GPM6A: variants seen among roughly 807,000 people sequenced by gnomAD.
GPM6A encodes the protein glycoprotein M6A.
GPM6A carries 7 observed loss-of-function variants against 32.1 expected under a neutral mutation model. The observed-to-expected ratio is 0.22, with a 90% CI of 0.12 to 0.41. The LOEUF (loss-of-function observed/expected upper bound fraction) is 0.41. Among genes scored for constraint, GPM6A ranks in the 10% least tolerant of loss-of-function variants. GPM6A has a pLI of 1.00. For synonymous variants in GPM6A, 130 were observed against 123.4 expected (o/e 1.05, Z -0.35); for missense variants, 235 against 347.2 (o/e 0.68, Z 2.57).
intron 1 of GPM6A, among the ~76,000 whole-genome samples, chr4:175,869,524 C>T (rs576507650): frequency 2.0e-5 from 3 of 151,486 alleles, no homozygotes; most frequent in Non-Finnish European, 4.4e-5. Context: ...TTTGGGAGGC[C>T]GAGGAGGGCA....
intron 1 of GPM6A, among the ~76,000 whole-genome samples, chr4:175,835,984 C>T (rs944214716): frequency 1.3e-5 from 2 of 151,992 alleles, no homozygotes; most frequent in Admixed American, 6.6e-5. Flanking sequence ...GTTCCACTGA[C>T]ATTCCATTGG....
intron 1 of GPM6A, among the ~76,000 whole-genome samples, chr4:175,826,168 C>G (rs1181703505): frequency 6.8e-6 from 1 of 147,416 alleles, no homozygotes; most frequent in African/African-American, 2.6e-5. Context: ...TCAAAACAAA[C>G]AAACAAACAA....
At chr4:175,840,886 T>C (rs191681961) in intron 1 of GPM6A, among the ~76,000 whole-genome samples, 3 of 152,066 alleles carry the variant, frequency 2.0e-5, no homozygotes, top group African/African-American at 7.2e-5. Flanking sequence ...TTGGCAAATA[T>C]AACATTAATT....
At chr4:175,952,011 C>T (rs906633063) in intron 1 of GPM6A, among the ~76,000 whole-genome samples, 9 of 152,242 alleles carry the variant, frequency 5.9e-5, no homozygotes, top group Admixed American at 3.9e-4. Context: ...CACCAGCCTC[C>T]ATAATCATGT....
chr4:175,996,259 G>A (rs1741304692), intron 1 of GPM6A, among the ~76,000 whole-genome samples: 1 of 152,230 alleles, frequency 6.6e-6, no homozygotes, highest in African/African-American at 2.4e-5. Context: ...AATAAAAGGA[G>A]ATTTACATGA....
At chr4:175,882,078 T>C (rs953281619) in intron 1 of GPM6A, among the ~76,000 whole-genome samples, 9 of 152,062 alleles carry the variant, frequency 5.9e-5, no homozygotes, top group Non-Finnish European at 1.0e-4. Flanking sequence ...TAATTATTTG[T>C]TATGCATTTG....
chr4:175,744,745 A>G (rs1215154722), intron 1 of GPM6A, among the ~76,000 whole-genome samples: 1 of 152,142 alleles, frequency 6.6e-6, no homozygotes, highest in Admixed American at 6.6e-5. Context: ...GAAACCTTCA[A>G]CGTTAGCTGT....
intron 1 of GPM6A, among the ~76,000 whole-genome samples, chr4:175,756,033 A>G (rs1295564644): frequency 6.6e-6 from 1 of 152,128 alleles, no homozygotes; most frequent in Non-Finnish European, 1.5e-5. Flanking sequence ...AGAGGAGGAG[A>G]GAAGATTTCA....
chr4:175,911,343 C>T (rs114344948), intron 1 of GPM6A, among the ~76,000 whole-genome samples: 2,148 of 152,232 alleles, frequency 0.014, 34 homozygotes, highest in African/African-American at 0.042. Flanking sequence ...AAATATAATA[C>T]GTTTCATGTC....
At chr4:175,831,715 CTTTTTT>C (rs780096379) in intron 1 of GPM6A, among the ~76,000 whole-genome samples, 9 of 69,938 alleles carry the variant, frequency 1.3e-4, no homozygotes, top group South Asian at 6.2e-4. Context: ...TTAGCCATCT[CTTTTTT>C]TTTTTTTTTT....
At chr4:175,747,734 G>T (rs1175414528) in intron 1 of GPM6A, among the ~76,000 whole-genome samples, 3 of 152,150 alleles carry the variant, frequency 2.0e-5, no homozygotes, top group African/African-American at 7.2e-5. Flanking sequence ...AGATCAGGGT[G>T]GTGGTTGCTG....
At chr4:175,770,397 C>G (rs1733139486) in intron 1 of GPM6A, among the ~76,000 whole-genome samples, 1 of 152,172 alleles carries the variant, frequency 6.6e-6, no homozygotes, top group African/African-American at 2.4e-5. Flanking sequence ...CTCTTAATTA[C>G]ATCTCTTGTC....
At chr4:175,654,744 C>A (rs993908212) in intron 3 of GPM6A, among the ~76,000 whole-genome samples, 3 of 152,036 alleles carry the variant, frequency 2.0e-5, no homozygotes, top group South Asian at 2.1e-4. Context: ...GGGAAAAAAT[C>A]TTTTTTATTA....
At chr4:175,727,068 C>A (rs558156242) in intron 1 of GPM6A, among the ~76,000 whole-genome samples, 1 of 151,866 alleles carries the variant, frequency 6.6e-6, no homozygotes, top group Admixed American at 6.6e-5. Context: ...ATTTTAATAC[C>A]CCAAAAGAAA....
At chr4:175,943,015 A>C (rs1311042297) in intron 1 of GPM6A, among the ~76,000 whole-genome samples, 30 of 152,210 alleles carry the variant, frequency 2.0e-4, no homozygotes. Context: ...ATCCATTAAC[A>C]TGGAGTGTTT....
chr4:175,637,299 A>ATATATTATATAT (rs1740745251), intron 6 of GPM6A, among the ~76,000 whole-genome samples: 1 of 39,592 alleles, frequency 2.5e-5, no homozygotes, highest in Non-Finnish European at 4.8e-5. Context: ...AATATATATT[A>ATATATTATATAT]TATATTATAT....
intron 1 of GPM6A, among the ~76,000 whole-genome samples, chr4:175,788,596 C>T (rs942449161): frequency 5.3e-5 from 8 of 151,956 alleles, no homozygotes; most frequent in Non-Finnish European, 1.0e-4. Context: ...ATGTAAGAGA[C>T]AGTTATAAAC....
chr4:175,962,649 T>C (rs1176912112), intron 1 of GPM6A, among the ~76,000 whole-genome samples: 1 of 152,114 alleles, frequency 6.6e-6, no homozygotes, highest in Non-Finnish European at 1.5e-5. Flanking sequence ...TATTTTAGCC[T>C]ATGGCACCTA....
chr4:175,943,020 G>T (rs10866381), intron 1 of GPM6A, among the ~76,000 whole-genome samples: 15,751 of 152,096 alleles, frequency 0.1, 1,066 homozygotes, highest in Middle Eastern at 0.22. Context: ...TTAACATGGA[G>T]TGTTTTTCCA....
Sources: gnomAD v4.1 joint callset for allele counts (sites outside exome capture counted in the v4.1 genomes callset) on GRCh38, gnomAD v4.1.1 for gene constraint, MANE v1.5 for transcripts, NCBI Gene and HGNC (gene_info 2026-07-23, HGNC 2026-07-21) for gene names.